MACROD2: variants seen among roughly 807,000 people sequenced by gnomAD.
MACROD2 encodes mono-ADP ribosylhydrolase 2.
Under a neutral mutation model 70.4 loss-of-function variants are expected in MACROD2, and 36 were observed. That is an observed-to-expected ratio of 0.51 (90% CI 0.39 to 0.68). The LOEUF (loss-of-function observed/expected upper bound fraction) is 0.68, where lower values mean the gene tolerates loss of function less well. Among genes scored for constraint, MACROD2 ranks in the 30% least tolerant of loss-of-function variants. The pLI is 0.00. For missense variants in MACROD2, 496 were observed against 538.4 expected (o/e 0.92, Z 0.78); for synonymous variants, 172 against 178.8 (o/e 0.96, Z 0.30).
At chr20:15,145,739 A>G (rs1040442491) in intron 5 of MACROD2, among the ~76,000 whole-genome samples, 5 of 152,088 alleles carry the variant, frequency 3.3e-5, no homozygotes, top group Non-Finnish European at 7.4e-5. Context: ...ACTGATAAGA[A>G]ATGATTTTTA....
intron 3 of MACROD2, among the ~76,000 whole-genome samples, chr20:14,163,959 G>T (rs2055228044): frequency 6.6e-6 from 1 of 151,542 alleles, no homozygotes; most frequent in Non-Finnish European, 1.5e-5. Flanking sequence ...TTTCTCTTTG[G>T]GGTTGATTGC....
chr20:14,621,979 G>C (rs1053169025), intron 4 of MACROD2: 3 of 152,034 alleles, frequency 2.0e-5, no homozygotes, highest in Non-Finnish European at 4.4e-5. Context: ...CCATATATAG[G>C]AATGTGTGTA....
intron 8 of MACROD2, among the ~76,000 whole-genome samples, chr20:15,861,915 A>T (rs557509569): frequency 3.3e-5 from 5 of 152,170 alleles, no homozygotes; most frequent in Non-Finnish European, 7.4e-5. Context: ...CAATTTTTTT[A>T]TGTTGTTAAA....
intron 5 of MACROD2, among the ~76,000 whole-genome samples, chr20:15,139,007 A>G (rs1378115866): frequency 6.6e-6 from 1 of 152,154 alleles, no homozygotes; most frequent in Non-Finnish European, 1.5e-5. Context: ...TTGTACCGTA[A>G]AAGCACCCCT....
chr20:15,540,704 C>T (rs1354647400), intron 8 of MACROD2, among the ~76,000 whole-genome samples: 1 of 152,180 alleles, frequency 6.6e-6, no homozygotes, highest in Non-Finnish European at 1.5e-5. Context: ...GGCTGGCAGT[C>T]TAAACTCAAG....
chr20:15,805,917 C>T lies in MACROD2; in HGVS notation c.646-56828C>T, dbSNP rs116612769. ...ACTGGGAGTATGGCAGTGCCCTTAG[C>T]GGTTTTGATCTATGTCTAATTTGTA... On this transcript the variant is annotated intron_variant, in intron 8 of 17. Transcript: ENST00000684519. Among the ~76,000 whole-genome samples the T allele has an allele frequency of 7.0e-3, 1,068 of 152,202 alleles. 10 individuals are homozygous for T. The highest frequency in any genetic ancestry group is 0.024 in the African/African-American group (1,003 of 41,520).
intron 3 of MACROD2, among the ~76,000 whole-genome samples, chr20:14,195,135 T>C (rs1214180364): frequency 3.9e-5 from 6 of 152,226 alleles, no homozygotes; most frequent in Non-Finnish European, 8.8e-5. Flanking sequence ...ATAGGAAATA[T>C]GCATTTTATT....
chr20:14,394,073 A>G (rs2083555192), intron 3 of MACROD2, among the ~76,000 whole-genome samples: 1 of 152,176 alleles, frequency 6.6e-6, no homozygotes, highest in Non-Finnish European at 1.5e-5. Context: ...CAACCAATCT[A>G]TGATTTGTTA....
chr20:14,280,523 G>A (rs1238730400), intron 3 of MACROD2, among the ~76,000 whole-genome samples: 1 of 152,114 alleles, frequency 6.6e-6, no homozygotes, highest in African/African-American at 2.4e-5. Flanking sequence ...AGATTAGCAG[G>A]TATCTGACTA....
chr20:14,791,287 C>T (rs1354616395), intron 5 of MACROD2, among the ~76,000 whole-genome samples: 1 of 152,092 alleles, frequency 6.6e-6, no homozygotes, highest in Non-Finnish European at 1.5e-5. Context: ...AGAAATGTAT[C>T]ACATCTGTGC....
intron 5 of MACROD2, among the ~76,000 whole-genome samples, chr20:14,731,677 C>G (rs2071599417): frequency 6.6e-6 from 1 of 152,040 alleles, no homozygotes; most frequent in South Asian, 2.1e-4. Flanking sequence ...CCCTTTCGTC[C>G]AGGTTCATGA....
chr20:14,347,217 A>C (rs1040452436), intron 3 of MACROD2, among the ~76,000 whole-genome samples: 2 of 152,186 alleles, frequency 1.3e-5, no homozygotes, highest in African/African-American at 4.8e-5. Context: ...TAGTAGGTAG[A>C]TTTTGGACTC....
intron 9 of MACROD2, among the ~76,000 whole-genome samples, chr20:15,871,248 T>C (rs2064578848): frequency 6.6e-6 from 1 of 151,492 alleles, no homozygotes; most frequent in Non-Finnish European, 1.5e-5. Flanking sequence ...CTCTGACAAA[T>C]GGGCACAAAA....
At chr20:14,244,657 G>C (rs1273771968) in intron 3 of MACROD2, among the ~76,000 whole-genome samples, 1 of 152,154 alleles carries the variant, frequency 6.6e-6, no homozygotes, top group Admixed American at 6.5e-5. Flanking sequence ...TATAATGTGG[G>C]CAGAGGTGTT....
Position 14,326,353 on chromosome 20 carries a change from A to T in MACROD2, c.272-167126A>T. ...GTTCTTAATATCTGGCTGTTTGGTC[A>T]CTGGAGCTGGCCACTGTCCTTGGGC... is the stretch of plus-strand genomic sequence containing the variant. On this transcript the variant is annotated intron_variant, in intron 3 of 17. Coordinates refer to ENST00000684519, the MANE Select transcript of MACROD2 (RefSeq NM_001351661.2). The surrounding 1 kb of genome is among the most constrained non-coding windows in gnomAD (Gnocchi z 5.5). The T allele has an allele frequency of 6.2e-7, 1 of 1,613,910 alleles. No homozygotes were observed. Among genetic ancestry groups the T allele is most frequent in the East Asian group, 2.2e-5 (1 of 44,866 alleles).
chr20:14,736,399 G>T (rs1205355306), intron 5 of MACROD2, among the ~76,000 whole-genome samples: 1 of 152,188 alleles, frequency 6.6e-6, no homozygotes, highest in Non-Finnish European at 1.5e-5. Context: ...GAACTAGATA[G>T]TGGTGACTGC....
At chr20:14,927,165 C>T (rs1222125663) in intron 5 of MACROD2, among the ~76,000 whole-genome samples, 1 of 151,810 alleles carries the variant, frequency 6.6e-6, no homozygotes, top group Non-Finnish European at 1.5e-5. Context: ...GTGAGATTGT[C>T]TTCGCTAAGA....
intron 8 of MACROD2, among the ~76,000 whole-genome samples, chr20:15,535,476 T>C (rs2047862048): frequency 6.6e-6 from 1 of 152,168 alleles, no homozygotes; most frequent in Non-Finnish European, 1.5e-5. Context: ...GCAACTTCGG[T>C]TTTAGGAAAT....
At chr20:14,296,235 C>T (rs577622766) in intron 3 of MACROD2, among the ~76,000 whole-genome samples, 43 of 151,872 alleles carry the variant, frequency 2.8e-4, no homozygotes, top group South Asian at 1.9e-3. Flanking sequence ...TGGGAAAATT[C>T]GATATCATCT....
Sources: gnomAD v4.1 joint callset for allele counts (sites outside exome capture counted in the v4.1 genomes callset) on GRCh38, gnomAD v4.1.1 for gene constraint, Gnocchi (gnomAD v3.1) non-coding constraint, MANE v1.5 for transcripts, NCBI Gene and HGNC (gene_info 2026-07-23, HGNC 2026-07-21) for gene names.